ITGA9: variants seen among roughly 807,000 people sequenced by gnomAD.
The protein encoded by ITGA9 is integrin alpha-9.
In ITGA9, 56 loss-of-function variants were observed where a neutral mutation model predicts 127.8. The observed-to-expected ratio is 0.44, with a 90% CI of 0.35 to 0.55. The LOEUF is 0.55. Ranked by LOEUF, ITGA9 falls within the 20% of genes least tolerant of loss-of-function variation. The pLI, the probability that ITGA9 is intolerant of heterozygous loss-of-function variation, is 0.00. For missense variants in ITGA9, 1,196 were observed against 1,347.1 expected (o/e 0.89, Z 1.76); for synonymous variants, 508 against 514.5 (o/e 0.99, Z 0.17).
chr3:37,599,047 T>C (rs185737182), intron 15 of ITGA9, among the ~76,000 whole-genome samples: 122 of 152,346 alleles, frequency 8.0e-4, no homozygotes, highest in African/African-American at 2.7e-3. Flanking sequence ...GCCTTAAGAC[T>C]GAGAAGCCAG....
chr3:37,751,584 C>T (rs1461238897), intron 23 of ITGA9, among the ~76,000 whole-genome samples: 1 of 152,094 alleles, frequency 6.6e-6, no homozygotes, highest in Non-Finnish European at 1.5e-5. Context: ...ACCCCAAAAC[C>T]AGGGATACCC....
At chr3:37,813,926 C>T (rs1294374983) in intron 27 of ITGA9, among the ~76,000 whole-genome samples, 3 of 152,292 alleles carry the variant, frequency 2.0e-5, no homozygotes, top group East Asian at 1.9e-4. Context: ...AACATAACTG[C>T]ATGTGTTTTG....
At chr3:37,648,640 A>C (rs981566105) in intron 16 of ITGA9, among the ~76,000 whole-genome samples, 1 of 152,096 alleles carries the variant, frequency 6.6e-6, no homozygotes, top group Non-Finnish European at 1.5e-5. Flanking sequence ...TAAATTAATA[A>C]AATAAAATTT....
chr3:37,637,780 C>T (rs1700295314), intron 16 of ITGA9, among the ~76,000 whole-genome samples: 1 of 152,188 alleles, frequency 6.6e-6, no homozygotes, highest in South Asian at 2.1e-4. Flanking sequence ...TCAAGTGATT[C>T]TCCTGCCTCA....
chr3:37,489,198 G>T (rs1055658849), intron 4 of ITGA9, among the ~76,000 whole-genome samples: 8 of 152,156 alleles, frequency 5.3e-5, no homozygotes, highest in Non-Finnish European at 1.2e-4. Flanking sequence ...ATATTCCATT[G>T]TATGTGTGTG....
At chr3:37,479,839 C>T (rs1698533733) in intron 3 of ITGA9, among the ~76,000 whole-genome samples, 1 of 152,184 alleles carries the variant, frequency 6.6e-6, no homozygotes, top group African/African-American at 2.4e-5. Context: ...CTCTTTGATA[C>T]ATGGTGCTCT....
chr3:37,628,378 C>G (rs982478023), intron 15 of ITGA9, among the ~76,000 whole-genome samples: 1 of 152,168 alleles, frequency 6.6e-6, no homozygotes, highest in Non-Finnish European at 1.5e-5. Context: ...GAGGCAGTGA[C>G]GCTGTGTGCA....
intron 23 of ITGA9, among the ~76,000 whole-genome samples, chr3:37,769,409 C>T (rs1312566800): frequency 6.6e-6 from 1 of 151,864 alleles, no homozygotes; most frequent in Non-Finnish European, 1.5e-5. Context: ...TTTTGAGCGA[C>T]GTTAATCCAC....
chr3:37,614,902 C>G (rs1445378347), intron 15 of ITGA9, among the ~76,000 whole-genome samples: 1 of 152,226 alleles, frequency 6.6e-6, no homozygotes, highest in Non-Finnish European at 1.5e-5. Context: ...ACAATCATGT[C>G]ATCTGCAAAC....
intron 20 of ITGA9, among the ~76,000 whole-genome samples, chr3:37,740,088 C>A (rs1167876077): frequency 6.6e-6 from 1 of 152,118 alleles, no homozygotes; most frequent in African/African-American, 2.4e-5. Flanking sequence ...TGTTTCAGAA[C>A]AATAGGAGGG....
intron 1 of ITGA9, among the ~76,000 whole-genome samples, chr3:37,466,456 C>T (rs1257217411): frequency 2.7e-5 from 3 of 112,672 alleles, no homozygotes; most frequent in Non-Finnish European, 5.1e-5. Context: ...TGCACTCCAG[C>T]CTGGGTAACA....
chr3:37,494,360 C>T (rs1698704153), intron 4 of ITGA9, 141 bp from the exon 5 acceptor site: 3 of 708,904 alleles, frequency 4.2e-6, no homozygotes, highest in South Asian at 3.0e-5. Context: ...TTTCCTTCCT[C>T]ACCCCAGTCT....
intron 23 of ITGA9, among the ~76,000 whole-genome samples, chr3:37,757,349 T>A (rs780488503): frequency 2.4e-4 from 37 of 151,828 alleles, no homozygotes; most frequent in Non-Finnish European, 2.8e-4. Flanking sequence ...ACCATACTTA[T>A]ATGAAGATTT....
At chr3:37,673,340 T>A (rs548375562) in intron 17 of ITGA9, among the ~76,000 whole-genome samples, 1 of 152,168 alleles carries the variant, frequency 6.6e-6, no homozygotes, top group South Asian at 2.1e-4. Context: ...ACCTTTCCCC[T>A]GTGAGACTCA....
intron 24 of ITGA9, among the ~76,000 whole-genome samples, chr3:37,779,297 G>C (rs551438334): frequency 1.4e-4 from 21 of 152,158 alleles, no homozygotes; most frequent in Non-Finnish European, 2.6e-4. Flanking sequence ...TAGAGACAGG[G>C]TTTCACCATG....
chr3:37,750,321 C>A, intron 22 of ITGA9, 141 bp from the exon 23 acceptor site: 1 of 668,554 alleles, frequency 1.5e-6, no homozygotes, highest in Non-Finnish European at 2.7e-6. Context: ...GTTCACTTTA[C>A]TTCAAGTTGT....
chr3:37,740,878 G>A (rs1028918893), intron 20 of ITGA9, among the ~76,000 whole-genome samples: 1 of 152,064 alleles, frequency 6.6e-6, no homozygotes, highest in Admixed American at 6.5e-5. Context: ...CAAAAATATC[G>A]ATGCCTGATC....
At chr3:37,600,309 A>C (rs1032783096) in intron 15 of ITGA9, among the ~76,000 whole-genome samples, 1 of 152,158 alleles carries the variant, frequency 6.6e-6, no homozygotes, top group Non-Finnish European at 1.5e-5. Context: ...CCAGAAAACT[A>C]TGAGAACCAC....
In ITGA9 at chr3:37,519,244, G is replaced by GT. The variant is rs11429458; in HGVS notation, c.1142-9dup. The GT allele has an allele frequency of 0.01, 16,254 of 1,608,270 alleles. 871 individuals are homozygous for GT. In the African/African-American group the frequency reaches 0.15, roughly 14 times the overall value. ...TAATGTGGCTTTTTAACCCATAGCT[G>GT]TTTTTTTACCCTCAGATGTGGCCAT... On this transcript the variant is annotated splice_polypyrimidine_tract_variant and intron_variant, in intron 10 of 27. Transcript: ENST00000264741.
Sources: gnomAD v4.1 joint callset for allele counts (sites outside exome capture counted in the v4.1 genomes callset) on GRCh38, gnomAD v4.1.1 for gene constraint, MANE v1.5 for transcripts, NCBI Gene and HGNC (gene_info 2026-07-23, HGNC 2026-07-21) for gene names.